Variants in GALNT15 observed in about 807,000 individuals in gnomAD.
The protein encoded by GALNT15 is polypeptide N-acetylgalactosaminyltransferase 15.
Under a neutral mutation model 66.8 loss-of-function variants are expected in GALNT15, and 67 were observed. The ratio of observed to expected loss-of-function variants is 1.00; its 90% confidence interval spans 0.82 to 1.23. GALNT15 has a LOEUF of 1.23. Ranked by LOEUF, GALNT15 falls within the 50% of genes most tolerant of loss-of-function variation. The pLI, the probability that GALNT15 is intolerant of heterozygous loss-of-function variation, is 0.00. For synonymous variants in GALNT15, 313 were observed against 311.5 expected (o/e 1.00, Z -0.05); for missense variants, 827 against 804.3 (o/e 1.03, Z -0.34).
At chr3:16,207,501 T>TAAAAAAAAAAAAAAAA (rs36127239) in intron 3 of GALNT15, among the ~76,000 whole-genome samples, 1 of 39,802 alleles carries the variant, frequency 2.5e-5, no homozygotes, top group Non-Finnish European at 4.2e-5. Flanking sequence ...CTCCAGGCTG[T>TAAAAAAAAAAAAAAAA]AAAAAAAAAA....
chr3:16,191,046 C>A lies in GALNT15; in HGVS notation c.540-4714C>A, dbSNP rs964248594. On this transcript the variant is annotated intron_variant, in intron 1 of 9. Coordinates refer to ENST00000339732, the MANE Select transcript of GALNT15 (RefSeq NM_054110.5). This position sits in a 1 kb window ranked among gnomAD's most constrained non-coding sequence, Gnocchi z 5.2. ...AGCCTTGTAATGGCTTTCAAGAACCCATTTGGCCTTTCACATCTCTTAGCA... is the reference window on the plus strand; with the variant it reads ...AGCCTTGTAATGGCTTTCAAGAACCAATTTGGCCTTTCACATCTCTTAGCA... 6.6e-6 allele frequency among the ~76,000 whole-genome samples: 1 copy of A among 152,208 alleles called. No individual in the cohort carries two copies. Among genetic ancestry groups the A allele is most frequent in the Non-Finnish European group, 1.5e-5 (1 of 68,040 alleles).
In GALNT15 at chr3:16,203,341, C is replaced by T. The variant is rs17042004; in HGVS notation, c.911+2518C>T. On this transcript the variant is annotated intron_variant, in intron 3 of 9. Coordinates refer to ENST00000339732, the MANE Select transcript of GALNT15 (RefSeq NM_054110.5). The surrounding 1 kb of genome is among the most constrained non-coding windows in gnomAD (Gnocchi z 6.2). Reference sequence around the variant, plus strand: ...CCAGAGCTAGGTGAAGGTAGAAAGACGTGGCACTACCTCAGTGTCCTAGGC... The same window carrying T: ...CCAGAGCTAGGTGAAGGTAGAAAGATGTGGCACTACCTCAGTGTCCTAGGC... 2.2e-3 allele frequency among the ~76,000 whole-genome samples: 334 copies of T among 152,096 alleles called. 1 individual carries two copies. The highest frequency in any genetic ancestry group is 7.6e-3 in the African/African-American group (314 of 41,470).
the GALNT15 span, among the ~76,000 whole-genome samples, chr3:16,240,859 C>A: frequency 2.6e-5 from 4 of 152,200 alleles, no homozygotes; most frequent in Non-Finnish European, 4.4e-5. Context: ...ACAAGTTCCT[C>A]CCTGACCCTG....
chr3:16,206,134 T>C (rs2063753990), intron 3 of GALNT15, among the ~76,000 whole-genome samples: 1 of 152,174 alleles, frequency 6.6e-6, no homozygotes, highest in Admixed American at 6.5e-5. Flanking sequence ...CTCAGCACTT[T>C]GGGAGGCCAA....
chr3:16,212,463 C>T, intron 5 of GALNT15, 106 bp from the exon 6 acceptor site: 1 of 1,015,648 alleles, frequency 9.8e-7, no homozygotes, highest in East Asian at 2.5e-5. Context: ...ATTGAGTGCT[C>T]ACGATTTCCT....
chr3:16,175,243 C>G lies in GALNT15; in HGVS notation c.92C>G (p.Ala31Gly), dbSNP rs773183021. 6.2e-7 allele frequency: 1 copy of G among 1,613,980 alleles called. No individual in the cohort carries two copies. The highest frequency in any genetic ancestry group is 1.3e-5 in the African/African-American group (1 of 74,900). ...CTGGGATGCGTCCTGATGATGGTGG[C>G]GATGTTGCACCCTCCCCACCACACC... ...LMLGCVLMMV[A>G]MLHPPHHTLH... Residue 31 changes from alanine to glycine, a missense_variant, in exon 1 of 10, where the codon GCG (alanine) becomes GGG (glycine). By Grantham distance (60) the Ala-to-Gly change is moderately conservative. Transcript: ENST00000339732. This position sits in a 1 kb window ranked among gnomAD's most constrained non-coding sequence, Gnocchi z 5.6.
Position 16,208,688 on chromosome 3 carries a change from A to G in GALNT15, c.1079+18A>G, listed in dbSNP as rs777586328. 14 of 1,609,740 alleles carry G rather than the reference A, an allele frequency of 8.7e-6. No individual in the cohort carries two copies. In the African/African-American group the frequency reaches 1.3e-4, roughly 15 times the overall value. On this transcript the variant is annotated intron_variant, in intron 4 of 9. Transcript: ENST00000339732. ...CCCATCAGGTGAGTCCCCATTTCAC[A>G]CCTGCTTTGCCATTGCCTCCTCAGG... is the stretch of plus-strand genomic sequence containing the variant.
At chr3:16,206,622 G>A (rs1236418645) in intron 3 of GALNT15, among the ~76,000 whole-genome samples, 4 of 137,474 alleles carry the variant, frequency 2.9e-5, no homozygotes, top group Non-Finnish European at 6.1e-5. Context: ...GCAGTGAACC[G>A]AGATCACGCC....
chr3:16,196,940 CCTCA>C (rs2063644974), intron 2 of GALNT15, among the ~76,000 whole-genome samples: 1 of 152,192 alleles, frequency 6.6e-6, no homozygotes, highest in African/African-American at 2.4e-5. Flanking sequence ...TTTCTACGGT[CCTCA>C]CTCCAGGGAT....
rs1251908512 is a variant in GALNT15 at position 16,188,285 on chromosome 3, G to A, written c.540-7475G>A. ...GGAAGTGAGAAGTTACAGGAACTCAGTTGGCACAAAATGGCAGCCATAGGT... is the reference window on the plus strand; with the variant it reads ...GGAAGTGAGAAGTTACAGGAACTCAATTGGCACAAAATGGCAGCCATAGGT... On this transcript the variant is annotated intron_variant, in intron 1 of 9. Transcript: ENST00000339732. The surrounding 1 kb of genome is among the most constrained non-coding windows in gnomAD (Gnocchi z 4.6). Among the ~76,000 whole-genome samples the A allele has an allele frequency of 6.6e-6, 1 of 152,248 alleles. No individual in the cohort carries two copies. The highest frequency in any genetic ancestry group is 1.5e-5 in the Non-Finnish European group (1 of 68,052).
intron 3 of GALNT15, among the ~76,000 whole-genome samples, chr3:16,202,106 CAT>C (rs1574982043): frequency 6.6e-6 from 1 of 152,178 alleles, no homozygotes; most frequent in Non-Finnish European, 1.5e-5. Flanking sequence ...ATCCTGGAGA[CAT>C]AGGAGTTACC....
chr3:16,228,758 A>G lies in GALNT15; in HGVS notation c.*1258A>G, dbSNP rs1401058998. 2 of 985,394 alleles carry G rather than the reference A, an allele frequency of 2.0e-6. No homozygotes were observed. Among genetic ancestry groups the G allele is most frequent in the Non-Finnish European group, 1.2e-6 (1 of 830,000 alleles). The allele number at this position is 985,394 out of a possible 1,614,324, so 61.0% of individuals were successfully genotyped here. Reference sequence around the variant, plus strand: ...ACCTTTTTCCTGGGAGGAAAATGCCAGAGCCTGAGCCAAAATTCTTATGAC... The same window carrying G: ...ACCTTTTTCCTGGGAGGAAAATGCCGGAGCCTGAGCCAAAATTCTTATGAC... On this transcript the variant is annotated 3_prime_UTR_variant, in exon 10 of 10. Coordinates refer to ENST00000339732, the MANE Select transcript of GALNT15 (RefSeq NM_054110.5).
At chr3:16,240,075 G>T in the GALNT15 span, among the ~76,000 whole-genome samples, 1 of 152,166 alleles carries the variant, frequency 6.6e-6, no homozygotes, top group Non-Finnish European at 1.5e-5. Flanking sequence ...GAAGGTAATG[G>T]CATCTGGCCG....
chr3:16,227,749 T>G lies in GALNT15; in HGVS notation c.*249T>G. On this transcript the variant is annotated 3_prime_UTR_variant, in exon 10 of 10. Transcript: ENST00000339732. The surrounding 1 kb of genome is among the most constrained non-coding windows in gnomAD (Gnocchi z 4.5). Reference sequence around the variant, plus strand: ...GTTGTCTTCATCACTGGGAAATGATTATTACATAGTACAGAAGATTCTTTG... The same window carrying G: ...GTTGTCTTCATCACTGGGAAATGATGATTACATAGTACAGAAGATTCTTTG... 2 of 1,331,200 alleles carry G rather than the reference T, an allele frequency of 1.5e-6. No homozygotes were observed. Among genetic ancestry groups the G allele is most frequent in the Non-Finnish European group, 1.9e-6 (2 of 1,041,348 alleles). The allele number at this position is 1,331,200 out of a possible 1,614,324, so 82.5% of individuals were successfully genotyped here. A position where few individuals can be genotyped will look rare whatever the true frequency, so the allele number is the denominator to read the frequency against.
At chr3:16,205,412 C>T (rs780603553) in intron 3 of GALNT15, among the ~76,000 whole-genome samples, 14 of 152,172 alleles carry the variant, frequency 9.2e-5, no homozygotes, top group Admixed American at 1.3e-4. Flanking sequence ...GTTGATCTCA[C>T]GTATTTCAGT....
In GALNT15 at chr3:16,195,927, G is replaced by A; in HGVS notation, c.706+1G>A. The A allele has an allele frequency of 6.2e-7, 1 of 1,613,944 alleles. No individual in the cohort carries two copies. ...CTCGTGGACGACCTCAGCCAGCAAGGTAGCCACGGCTTTCCTCCAGGCTCG... is the reference window on the plus strand; with the variant it reads ...CTCGTGGACGACCTCAGCCAGCAAGATAGCCACGGCTTTCCTCCAGGCTCG... On this transcript the variant is annotated splice_donor_variant, in intron 2 of 9. Transcript: ENST00000339732. LOFTEE classifies it high-confidence loss of function. This position sits in a 1 kb window ranked among gnomAD's most constrained non-coding sequence, Gnocchi z 4.6.
At position 16,228,839 on chromosome 3, in the gene GALNT15, A is replaced by G; in HGVS notation, c.*1339A>G. On this transcript the variant is annotated 3_prime_UTR_variant, in exon 10 of 10. Transcript: ENST00000339732. ...AGCTGACAGGGCCATCTCTGAGCCCATATAACTGTCTGGAACCCCCAAATG... is the reference window on the plus strand; with the variant it reads ...AGCTGACAGGGCCATCTCTGAGCCCGTATAACTGTCTGGAACCCCCAAATG... 1 of 985,412 alleles carries G rather than the reference A, an allele frequency of 1.0e-6. No homozygotes were observed. The highest frequency in any genetic ancestry group is 1.2e-6 in the Non-Finnish European group (1 of 829,930). 61.0% of individuals were successfully genotyped at this position (985,412 alleles called of 1,614,324 possible). A position where few individuals can be genotyped will look rare whatever the true frequency, so the allele number is the denominator to read the frequency against.
rs200978385 is a variant in GALNT15 at position 16,212,645 on chromosome 3, A to C, written c.1274A>C (p.His425Pro). ...CACATCTACCAAAATCAGGATTCCC[A>C]TTCCCCCCTCGACCAGGAGGCCACC... The part of the protein sequence containing the change: ...VGHIYQNQDS[H>P]SPLDQEATLR... Residue 425 changes from histidine (H) to proline (P), a missense_variant, in exon 6 of 10, where the codon CAT becomes CCT. His to Pro is a moderately conservative substitution (Grantham distance 77). Coordinates refer to ENST00000339732, the MANE Select transcript of GALNT15 (RefSeq NM_054110.5). 3.7e-6 allele frequency: 6 copies of C among 1,613,682 alleles called. No homozygotes were observed. Among genetic ancestry groups the C allele is most frequent in the African/African-American group, 1.3e-5 (1 of 74,924 alleles).
At position 16,219,580 on chromosome 3, in the gene GALNT15, C is replaced by T; in HGVS notation, c.1524+46C>T. ...GATGGGGAGGGACAGGGAAGCTTCC[C>T]AAGACAAGAACTAGATGTTCAGCTC... On this transcript the variant is annotated intron_variant, in intron 7 of 9. Transcript: ENST00000339732. The surrounding 1 kb of genome is among the most constrained non-coding windows in gnomAD (Gnocchi z 4.3). 8.1e-6 allele frequency: 13 copies of T among 1,605,150 alleles called. No individual in the cohort carries two copies. The highest frequency in any genetic ancestry group is 1.1e-5 in the Non-Finnish European group (13 of 1,175,950).
Sources: allele counts gnomAD v4.1 joint callset (sites outside exome capture counted in the v4.1 genomes callset), GRCh38; gene constraint gnomAD v4.1.1; non-coding constraint Gnocchi (gnomAD v3.1); transcripts MANE v1.5; gene names NCBI Gene and HGNC (gene_info 2026-07-23, HGNC 2026-07-21).